The following ESR1 variants were observed in gnomAD, a reference collection of about 807,000 sequenced individuals.
The protein encoded by ESR1 is estrogen receptor 1.
Under a neutral mutation model 52.7 loss-of-function variants are expected in ESR1, and 12 were observed. That is an observed-to-expected ratio of 0.23 (90% CI 0.15 to 0.37). The LOEUF is 0.37. ESR1 is among the 10% of genes least tolerant of loss of function. ESR1 has a pLI of 1.00. For missense variants in ESR1, 584 were observed against 779.7 expected (o/e 0.75, Z 2.99); for synonymous variants, 305 against 316.8 (o/e 0.96, Z 0.39).
At chr6:152,023,103 A>T (rs2043823985) in intron 5 of ESR1, among the ~76,000 whole-genome samples, 1 of 152,098 alleles carries the variant, frequency 6.6e-6, no homozygotes, top group Non-Finnish European at 1.5e-5. Flanking sequence ...TTCTAAAGGG[A>T]GCATTTTTAG....
intron 4 of ESR1, among the ~76,000 whole-genome samples, chr6:151,992,548 A>G (rs9340943): frequency 0.012 from 1,761 of 152,336 alleles, 15 homozygotes; most frequent in Non-Finnish European, 0.019. Context: ...GAGTGAAAAC[A>G]TAAGACCAGA....
chr6:151,973,919 G>C (rs79410573), intron 4 of ESR1, among the ~76,000 whole-genome samples: 1 of 151,976 alleles, frequency 6.6e-6, no homozygotes, highest in African/African-American at 2.4e-5. Flanking sequence ...TTCAGTTTTC[G>C]TCATTGATTT....
At chr6:151,786,677 T>TC in intron 2 of ESR1, among the ~76,000 whole-genome samples, 1 of 132,178 alleles carries the variant, frequency 7.6e-6, no homozygotes, top group Non-Finnish European at 1.5e-5. Flanking sequence ...TATTAAGACT[T>TC]TTTTTTTTTT....
At chr6:151,657,138 A>G (rs923559712) in intron 1 of ESR1, among the ~76,000 whole-genome samples, 4 of 152,140 alleles carry the variant, frequency 2.6e-5, no homozygotes, top group African/African-American at 4.8e-5. Flanking sequence ...TTCTCTGTCT[A>G]TTCATATAGG....
intron 3 of ESR1, among the ~76,000 whole-genome samples, chr6:151,899,406 A>C (rs1584059760): frequency 2.1e-5 from 2 of 95,100 alleles, no homozygotes; most frequent in Admixed American, 1.1e-4. Flanking sequence ...GGGGCTCCTC[A>C]CTTCCCAGTA....
chr6:151,703,648 GA>G (rs377302051), intron 2 of ESR1, among the ~76,000 whole-genome samples: 22 of 152,128 alleles, frequency 1.4e-4, no homozygotes, highest in African/African-American at 4.3e-4. Flanking sequence ...GAAGGAGGGG[GA>G]AAAAAGATTT....
chr6:151,709,867 A>G (rs1780460878), intron 2 of ESR1, among the ~76,000 whole-genome samples: 2 of 151,598 alleles, frequency 1.3e-5, no homozygotes, highest in East Asian at 1.9e-4. Context: ...TTCTTCCTAT[A>G]CGTATTCTGA....
At chr6:151,977,462 C>T (rs1021785204) in intron 4 of ESR1, among the ~76,000 whole-genome samples, 1 of 149,090 alleles carries the variant, frequency 6.7e-6, no homozygotes, top group Non-Finnish European at 1.5e-5. Context: ...AAAAAAAATC[C>T]ATAGCCAGAT....
chr6:152,097,918 G>A (rs1044735849), intron 7 of ESR1, among the ~76,000 whole-genome samples: 3 of 152,170 alleles, frequency 2.0e-5, no homozygotes, highest in Admixed American at 2.0e-4. Context: ...AGAATTTCAG[G>A]CAGTGATAAG....
intron 2 of ESR1, among the ~76,000 whole-genome samples, chr6:151,725,325 G>A (rs1781761163): frequency 6.6e-6 from 1 of 152,174 alleles, no homozygotes. Flanking sequence ...GTTGTGGGGG[G>A]CAGGGGGTGG....
rs140706285 is a variant in ESR1, at chr6:151,849,152, C to T, written c.643+6365C>T. On this transcript the variant is annotated intron_variant, in intron 2 of 7. Coordinates refer to ENST00000206249, the MANE Select transcript of ESR1 (RefSeq NM_000125.4). ...GTAATACTACTCTTACTTCTCTTTA[C>T]AGCTCTCAAATTCTTATGAAGTTTT... Among the ~76,000 whole-genome samples, 283 of 152,248 alleles carry T rather than the reference C, an allele frequency of 1.9e-3. 1 individual carries two copies. Among genetic ancestry groups the T allele is most frequent in the Non-Finnish European group, 3.0e-3 (207 of 68,022 alleles).
In ESR1 at chr6:152,098,499, C is replaced by G. The variant is rs1302369594; in HGVS notation, c.1554-233C>G. Among the ~76,000 whole-genome samples, 2 of 151,898 alleles carry G rather than the reference C, an allele frequency of 1.3e-5. No homozygotes were observed. Among genetic ancestry groups the G allele is most frequent in the African/African-American group, 4.8e-5 (2 of 41,336 alleles). ...CTGCAGGGAGAGTGTGAGGGTGGGA[C>G]CGCCCTGGTAGGAGGTGGAAAATGA... On this transcript the variant is annotated intron_variant, in intron 7 of 7. Coordinates refer to ENST00000206249, the MANE Select transcript of ESR1 (RefSeq NM_000125.4). This position sits in a 1 kb window ranked among gnomAD's most constrained non-coding sequence, Gnocchi z 5.1.
chr6:151,990,457 G>C (rs1388096675), intron 4 of ESR1, among the ~76,000 whole-genome samples: 1 of 152,022 alleles, frequency 6.6e-6, no homozygotes, highest in African/African-American at 2.4e-5. Flanking sequence ...TCCTTCTGTG[G>C]CTGTGTAATC....
chr6:151,962,465 T>C (rs2037780102), intron 4 of ESR1, among the ~76,000 whole-genome samples: 1 of 152,142 alleles, frequency 6.6e-6, no homozygotes, highest in Admixed American at 6.6e-5. Context: ...ATCCCGGATG[T>C]AGTGTTGGGC....
intron 1 of ESR1, among the ~76,000 whole-genome samples, chr6:151,672,809 T>G (rs1388955248): frequency 1.3e-5 from 2 of 149,620 alleles, no homozygotes; most frequent in East Asian, 4.0e-4. Context: ...ACATTCTTTG[T>G]GCTCAAATTC....
chr6:151,938,914 T>C (rs1159101005), intron 3 of ESR1, among the ~76,000 whole-genome samples: 1 of 152,202 alleles, frequency 6.6e-6, no homozygotes, highest in African/African-American at 2.4e-5. Flanking sequence ...CGATCCCTTA[T>C]ACAAAACAGG....
intron 3 of ESR1, among the ~76,000 whole-genome samples, chr6:151,942,198 T>A (rs1026352323): frequency 1.6e-4 from 25 of 152,244 alleles, no homozygotes; most frequent in African/African-American, 6.0e-4. Context: ...GCCATTGTTC[T>A]CATCTTTTAC....
At chr6:152,063,780 G>A (rs1438638548) in intron 6 of ESR1, among the ~76,000 whole-genome samples, 2 of 152,166 alleles carry the variant, frequency 1.3e-5, no homozygotes, top group East Asian at 1.9e-4. Flanking sequence ...GGAAACCTGA[G>A]CTAGAAGATG....
intron 5 of ESR1, among the ~76,000 whole-genome samples, chr6:152,018,081 T>C (rs1429925251): frequency 1.3e-5 from 2 of 152,144 alleles, no homozygotes; most frequent in Non-Finnish European, 2.9e-5. Context: ...GGAAATAGTA[T>C]TGGACAACAG....
Sources: gnomAD v4.1 joint callset for allele counts (sites outside exome capture counted in the v4.1 genomes callset) on GRCh38, gnomAD v4.1.1 for gene constraint, Gnocchi (gnomAD v3.1) non-coding constraint, MANE v1.5 for transcripts, NCBI Gene and HGNC (gene_info 2026-07-23, HGNC 2026-07-21) for gene names.